CHD9: variants seen among roughly 807,000 people sequenced by gnomAD.
CHD9 encodes ATP-dependent chromatin remodeler CHD9.
Under a neutral mutation model 316.1 loss-of-function variants are expected in CHD9, and 77 were observed. That is an observed-to-expected ratio of 0.24 (90% confidence interval 0.20 to 0.29). The LOEUF is 0.29. Among genes scored for constraint, CHD9 ranks in the 10% least tolerant of loss-of-function variants. The probability of loss-of-function intolerance (pLI) is 1.00; values close to 1 mark genes in which losing one functional copy is unlikely to be tolerated. For missense variants in CHD9, 2,763 were observed against 3,438.1 expected (o/e 0.80, Z 4.91); for synonymous variants, 1,129 against 1,158.3 (o/e 0.97, Z 0.51).
At chr16:53,195,519 C>T (rs1266003733) in intron 2 of CHD9, among the ~76,000 whole-genome samples, 2 of 152,204 alleles carry the variant, frequency 1.3e-5, no homozygotes, top group East Asian at 3.9e-4. Context: ...TCAACTTGGG[C>T]TGCAGTATCT....
At chr16:53,264,095 T>C (rs997790662) in intron 20 of CHD9, among the ~76,000 whole-genome samples, 2 of 152,152 alleles carry the variant, frequency 1.3e-5, no homozygotes, top group African/African-American at 4.8e-5. Context: ...GTTTGATTTC[T>C]GTAAAGTGAA....
intron 16 of CHD9, 66 bp downstream of exon 16, chr16:53,247,569 T>TAC (rs2049739425): frequency 9.1e-7 from 1 of 1,095,266 alleles, no homozygotes; most frequent in African/African-American, 1.6e-5. Context: ...TGCAGCACTG[T>TAC]AATGTAAATG....
chr16:53,062,769 G>A (rs983570490), intron 1 of CHD9, among the ~76,000 whole-genome samples: 5 of 152,144 alleles, frequency 3.3e-5, no homozygotes, highest in African/African-American at 7.2e-5. Flanking sequence ...GATGGCTCAC[G>A]CCTGTAATCC....
intron 1 of CHD9, among the ~76,000 whole-genome samples, chr16:53,110,694 G>A (rs761183736): frequency 3.9e-5 from 6 of 152,266 alleles, no homozygotes; most frequent in Non-Finnish European, 7.4e-5. Context: ...CCTGGGAGGC[G>A]GAGGTTGCAG....
Position 53,090,841 on chromosome 16 carries a change from G to C in CHD9, c.-165+35764G>C, listed in dbSNP as rs535436472. Among the ~76,000 whole-genome samples the C allele has an allele frequency of 1.6e-3, 237 of 152,220 alleles. 3 individuals carry two copies. Among genetic ancestry groups the C allele is most frequent in the African/African-American group, 5.2e-3 (217 of 41,528 alleles). ...AGTGCCACCCCACCCCAACCCCCAT[G>C]CCCTGTCCCAGCAGAGTCTGGCTCA... On this transcript the variant is annotated intron_variant, in intron 1 of 38. Coordinates refer to ENST00000447540, the MANE Select transcript of CHD9 (RefSeq NM_001308319.2).
intron 1 of CHD9, among the ~76,000 whole-genome samples, chr16:53,082,312 A>T (rs1193706270): frequency 6.6e-6 from 1 of 151,552 alleles, no homozygotes; most frequent in East Asian, 1.9e-4. Flanking sequence ...ATCTTGGCTC[A>T]CTGCAGCCTC....
intron 22 of CHD9, among the ~76,000 whole-genome samples, chr16:53,268,375 A>G (rs1326229771): frequency 5.3e-5 from 8 of 152,178 alleles, no homozygotes; most frequent in African/African-American, 1.9e-4. Context: ...CTTTCCGTCT[A>G]TGCTCAGATA....
At chr16:53,213,026 C>G (rs916092986) in intron 3 of CHD9, among the ~76,000 whole-genome samples, 9 of 152,210 alleles carry the variant, frequency 5.9e-5, no homozygotes, top group African/African-American at 2.2e-4. Context: ...AGCCCACACT[C>G]ATTCAGCTAC....
intron 2 of CHD9, among the ~76,000 whole-genome samples, chr16:53,178,773 C>T (rs2043270719): frequency 6.6e-6 from 1 of 152,116 alleles, no homozygotes. Flanking sequence ...TTATTAAATA[C>T]TTTTAAGAAT....
At chr16:53,302,241 C>T (rs979677939) in intron 30 of CHD9, among the ~76,000 whole-genome samples, 2 of 152,184 alleles carry the variant, frequency 1.3e-5, no homozygotes, top group African/African-American at 4.8e-5. Context: ...TTCTCGTTAG[C>T]TTCCTGCAAT....
rs1445824979 is a variant in CHD9 at position 53,290,516 on chromosome 16, G to A, written c.5248-1209G>A. Reference sequence around the variant, plus strand: ...AAAAAAAGTATGAGAGGAGCTGGATGCAGTGGCTCATGCCTGTAATCCAGC... The same window carrying A: ...AAAAAAAGTATGAGAGGAGCTGGATACAGTGGCTCATGCCTGTAATCCAGC... On this transcript the variant is annotated intron_variant, in intron 27 of 38. Transcript: ENST00000447540. Among the ~76,000 whole-genome samples, 6 of 151,626 alleles carry A rather than the reference G, an allele frequency of 4.0e-5. No homozygotes were observed. The East Asian group carries it at 5.9e-4, about 15-fold the overall frequency.
At chr16:53,322,058 C>T (rs1193329321) in intron 38 of CHD9, among the ~76,000 whole-genome samples, 7 of 148,166 alleles carry the variant, frequency 4.7e-5, no homozygotes, top group East Asian at 4.1e-4. Flanking sequence ...AGTGCAGTGG[C>T]GCAACCTTGG....
At chr16:53,218,708 T>C (rs184601194) in intron 3 of CHD9, among the ~76,000 whole-genome samples, 3 of 152,324 alleles carry the variant, frequency 2.0e-5, no homozygotes, top group Non-Finnish European at 4.4e-5. Context: ...ACGTAATTCA[T>C]TTAGCTTATC....
chr16:53,318,330 A>G lies in CHD9; in HGVS notation c.7703A>G (p.Asn2568Ser), dbSNP rs2057028732. 6.3e-7 allele frequency: 1 copy of G among 1,599,776 alleles called. No homozygotes were observed. Among genetic ancestry groups the G allele is most frequent in the Non-Finnish European group, 8.5e-7 (1 of 1,175,180 alleles). Residue 2568 changes from asparagine to serine, a missense_variant, in exon 37 of 39, where the codon AAT becomes AGT. By Grantham distance (46) the Asn-to-Ser change is conservative. Around this residue, in one of 15 missense-constraint regions of CHD9, gnomAD observed 19 missense variants for 44.5 expected, o/e 0.43. Transcript: ENST00000447540. ...EERVQLINRR[N>S]ARKVGGAFAP... is the part of the protein sequence containing the mutation. ...CGTGTTCAACTGATTAACAGAAGAAATGCTAGAAAGGTATTTTAATGTTTT... is the reference window on the plus strand; with the variant it reads ...CGTGTTCAACTGATTAACAGAAGAAGTGCTAGAAAGGTATTTTAATGTTTT...
intron 5 of CHD9, 72 bp downstream of exon 5, chr16:53,226,584 T>A: frequency 6.6e-7 from 1 of 1,514,174 alleles, no homozygotes; most frequent in South Asian, 1.3e-5. Context: ...TTGCATTGTT[T>A]TTCCTACTAA....
intron 31 of CHD9, among the ~76,000 whole-genome samples, chr16:53,305,014 A>T (rs1231607370): frequency 6.6e-6 from 1 of 151,530 alleles, no homozygotes; most frequent in Admixed American, 6.6e-5. Flanking sequence ...TTTCAAGTGA[A>T]AATGAAAAGA....
At chr16:53,091,589 AC>A (rs1010386214) in intron 1 of CHD9, among the ~76,000 whole-genome samples, 1 of 152,046 alleles carries the variant, frequency 6.6e-6, no homozygotes, top group African/African-American at 2.4e-5. Flanking sequence ...ACATGACCAA[AC>A]TGGTTTGGTT....
intron 11 of CHD9, among the ~76,000 whole-genome samples, 190 bp from the exon 12 acceptor site, chr16:53,238,153 A>G (rs1162117060): frequency 6.6e-6 from 1 of 152,112 alleles, no homozygotes; most frequent in Non-Finnish European, 1.5e-5. Flanking sequence ...TTTTGGAGCT[A>G]TAGAAATCTT....
chr16:53,066,661 A>G (rs1373046435), intron 1 of CHD9, among the ~76,000 whole-genome samples: 1 of 148,340 alleles, frequency 6.7e-6, no homozygotes, highest in African/African-American at 2.6e-5. Context: ...GAGGAGAGCC[A>G]TACAGTCTTC....
Sources: gnomAD v4.1 joint callset for allele counts (sites outside exome capture counted in the v4.1 genomes callset) on GRCh38, gnomAD v4.1.1 for gene constraint, gnomAD v4.1.1 regional missense constraint, MANE v1.5 for transcripts, NCBI Gene and HGNC (gene_info 2026-07-23, HGNC 2026-07-21) for gene names.